SQLE: variants seen among roughly 807,000 people sequenced by gnomAD.
SQLE encodes squalene monooxygenase.
Under a neutral mutation model 60.7 loss-of-function variants are expected in SQLE, and 29 were observed. The observed-to-expected ratio is 0.48, with a 90% CI of 0.36 to 0.65. The LOEUF is 0.65. Among genes scored for constraint, SQLE ranks in the 30% least tolerant of loss-of-function variants. The pLI, the probability that SQLE is intolerant of heterozygous loss-of-function variation, is 0.00. For missense variants in SQLE, 605 were observed against 684.1 expected, an observed-to-expected ratio of 0.88 and a Z score of 1.29; for synonymous variants, 237 against 246.8, an observed-to-expected ratio of 0.96 and a Z score of 0.37.
rs1470487655 is a variant in SQLE at position 125,009,075 on chromosome 8, T to G, written c.927T>G (p.Phe309Leu). 1 of 1,594,156 alleles carries G rather than the reference T, an allele frequency of 6.3e-7. No individual in the cohort carries two copies. Among genetic ancestry groups the G allele is most frequent in the Non-Finnish European group, 8.5e-7 (1 of 1,173,038 alleles). Reference protein sequence around the residue: ...KVSVSSHFVGFLMKNAPQFKA... With the variant: ...KVSVSSHFVGLLMKNAPQFKA... ...CTGTATCATCTCATTTTGTTGGCTT[T>G]CTTATGAAGGTACTGTAGGAGTGTG... The change falls in exon 5 of 11, where the codon TTT becomes TTG. Residue 309 changes from phenylalanine (F) to leucine (L), a missense_variant. Transcript: ENST00000265896.
rs7012918 is a variant in SQLE, at chr8:124,998,826, G to T, written c.-578G>T. 6,388 of 494,454 alleles carry T rather than the reference G, an allele frequency of 0.013. 326 individuals carry two copies. The highest frequency in any genetic ancestry group is 0.11 in the African/African-American group (5,519 of 49,058). 30.6% of individuals were successfully genotyped at this position (494,454 alleles called of 1,614,324 possible). On this transcript the variant is annotated 5_prime_UTR_variant, in exon 1 of 11. Coordinates refer to ENST00000265896, the MANE Select transcript of SQLE (RefSeq NM_003129.4). The stretch of plus-strand genomic sequence containing the variant: ...GCGTCGGCGTTGGCGTTTTCCCGAG[G>T]TTGGGCTGTACAGTGTCTCCGTCCG...
Position 124,999,312 on chromosome 8 carries a change from T to G in SQLE, c.-92T>G, listed in dbSNP as rs1248340545. Reference sequence around the variant, plus strand: ...CTGGAGTCTGGCCGGCTCTCCGTGCTCCTCTTGGTACCTCATTTTGGGGAG... The same window carrying G: ...CTGGAGTCTGGCCGGCTCTCCGTGCGCCTCTTGGTACCTCATTTTGGGGAG... On this transcript the variant is annotated 5_prime_UTR_variant, in exon 1 of 11. Coordinates refer to ENST00000265896, the MANE Select transcript of SQLE (RefSeq NM_003129.4). The G allele has an allele frequency of 1.5e-6, 2 of 1,294,172 alleles. No individual in the cohort carries two copies. The highest frequency in any genetic ancestry group is 5.6e-5 in the East Asian group (2 of 35,936). 80.2% of individuals were successfully genotyped at this position (1,294,172 alleles called of 1,614,324 possible).
intron 3 of SQLE, among the ~76,000 whole-genome samples, chr8:125,006,574 T>C (rs1814950240): frequency 7.3e-6 from 1 of 136,284 alleles, no homozygotes; most frequent in Admixed American, 7.7e-5. Context: ...TGAGCCGAGA[T>C]AGCGCCACTG....
rs1814792366 is a variant in SQLE, at chr8:124,998,833, T to C, written c.-571T>C. 4.5e-6 allele frequency: 2 copies of C among 448,864 alleles called. No individual in the cohort carries two copies. The highest frequency in any genetic ancestry group is 7.9e-6 in the Non-Finnish European group (2 of 252,946). The allele number at this position is 448,864 out of a possible 1,614,324, so 27.8% of individuals were successfully genotyped here. ...CGTTGGCGTTTTCCCGAGGTTGGGC[T>C]GTACAGTGTCTCCGTCCGCGGAAAA... is the stretch of plus-strand genomic sequence containing the variant. On this transcript the variant is annotated 5_prime_UTR_variant, in exon 1 of 11. Transcript: ENST00000265896.
chr8:125,000,474 C>T (rs1814826375), intron 1 of SQLE, among the ~76,000 whole-genome samples: 1 of 152,200 alleles, frequency 6.6e-6, no homozygotes, highest in Non-Finnish European at 1.5e-5. Context: ...GACAAAGTCT[C>T]GCTCTGTCGC....
At chr8:125,002,109 C>T (rs1336670710) in intron 1 of SQLE, among the ~76,000 whole-genome samples, 2 of 152,040 alleles carry the variant, frequency 1.3e-5, no homozygotes, top group African/African-American at 4.8e-5. Flanking sequence ...TTGGGGACCA[C>T]CTCTTTGACT....
At chr8:125,000,557 C>T (rs1814827487) in intron 1 of SQLE, among the ~76,000 whole-genome samples, 2 of 152,190 alleles carry the variant, frequency 1.3e-5, no homozygotes, top group East Asian at 1.9e-4. Flanking sequence ...GATTCTCGTG[C>T]CTCACTCAGC....
intron 8 of SQLE, 52 bp from the exon 9 acceptor site, chr8:125,018,579 G>A: frequency 8.1e-7 from 1 of 1,227,318 alleles, no homozygotes; most frequent in South Asian, 1.4e-5. Context: ...ATAAACATCA[G>A]TTTGTGCTTT....
chr8:125,002,365 G>T (rs1300704903), intron 1 of SQLE, among the ~76,000 whole-genome samples: 1 of 152,166 alleles, frequency 6.6e-6, no homozygotes, highest in African/African-American at 2.4e-5. Context: ...TCCAGAAAGA[G>T]AAAATAAAGA....
rs994785103 is a variant in SQLE at position 124,998,809 on chromosome 8, G to T, written c.-595G>T. On this transcript the variant is annotated 5_prime_UTR_variant, in exon 1 of 11. Coordinates refer to ENST00000265896, the MANE Select transcript of SQLE (RefSeq NM_003129.4). ...ATCTTTTGTTGGAGAAGGCGTCGGC[G>T]TTGGCGTTTTCCCGAGGTTGGGCTG... 2.0e-6 allele frequency: 1 copy of T among 495,944 alleles called. No individual in the cohort carries two copies. The highest frequency in any genetic ancestry group is 3.5e-5 in the East Asian group (1 of 28,218). 30.7% of individuals were successfully genotyped at this position (495,944 alleles called of 1,614,324 possible). A position where few individuals can be genotyped will look rare whatever the true frequency, so the allele number is the denominator to read the frequency against.
Position 125,015,597 on chromosome 8 carries a change from C to T in SQLE, c.1205-2462C>T, listed in dbSNP as rs190327072. Among the ~76,000 whole-genome samples the T allele has an allele frequency of 2.6e-5, 4 of 152,152 alleles. No individual in the cohort carries two copies. In the East Asian group the frequency reaches 7.7e-4, roughly 29 times the overall value. On this transcript the variant is annotated intron_variant, in intron 7 of 10. Transcript: ENST00000265896. ...AAGCTTGCAGGTCATATCTTATAACCGATTATTTTAAACTGATGACAACTG... is the reference window on the plus strand; with the variant it reads ...AAGCTTGCAGGTCATATCTTATAACTGATTATTTTAAACTGATGACAACTG...
intron 3 of SQLE, among the ~76,000 whole-genome samples, chr8:125,006,979 A>G (rs1426272612): frequency 6.6e-6 from 1 of 152,192 alleles, no homozygotes. Flanking sequence ...CTGGGATTAC[A>G]GGTGTGAGCC....
intron 7 of SQLE, among the ~76,000 whole-genome samples, chr8:125,017,181 G>A (rs1306240652): frequency 6.6e-6 from 1 of 152,086 alleles, no homozygotes; most frequent in Non-Finnish European, 1.5e-5. Flanking sequence ...ATCCAGCCAG[G>A]CTTGTGCCCT....
At position 124,999,611 on chromosome 8, in the gene SQLE, C is replaced by T; in HGVS notation, c.208C>T (p.Leu70Phe). The T allele has an allele frequency of 1.9e-6, 3 of 1,613,644 alleles. No homozygotes were observed. The highest frequency in any genetic ancestry group is 1.1e-5 in the South Asian group (1 of 90,968). ...GSQFALFSDILSGLPFIGFFW... is the reference protein window; with the variant it reads ...GSQFALFSDIFSGLPFIGFFW... ...CCAGTTCGCCCTCTTCTCGGATATT[C>T]TCTCAGGCCTGCCTTTCATTGGCTT... Residue 70 changes from leucine (L) to phenylalanine (F), a missense_variant, in exon 1 of 11, where the codon CTC (leucine) becomes TTC (phenylalanine). Leu to Phe is a conservative substitution (Grantham distance 22). Transcript: ENST00000265896.
At chr8:125,005,011 C>A (rs1293124001) in intron 2 of SQLE, among the ~76,000 whole-genome samples, 1 of 152,136 alleles carries the variant, frequency 6.6e-6, no homozygotes, top group East Asian at 1.9e-4. Context: ...ATGTAATCAT[C>A]AACAGTTGGG....
Position 125,018,935 on chromosome 8 carries a change from T to C in SQLE, c.1444+208T>C, listed in dbSNP as rs1815154654. On this transcript the variant is annotated intron_variant, in intron 9 of 10. Coordinates refer to ENST00000265896, the MANE Select transcript of SQLE (RefSeq NM_003129.4). ...GGTAGTGGAATTTCCTTAGACAACA[T>C]TAATAGCAATGCCTCAGTAACATAT... is the stretch of plus-strand genomic sequence containing the variant. The C allele has an allele frequency of 7.8e-6, 4 of 513,554 alleles. No individual in the cohort carries two copies. In the South Asian group the frequency reaches 9.4e-5, roughly 12 times the overall value. The allele number at this position is 513,554 out of a possible 1,614,324, so 31.8% of individuals were successfully genotyped here.
At chr8:125,003,774 A>C (rs1196886362) in intron 2 of SQLE, among the ~76,000 whole-genome samples, 1 of 151,946 alleles carries the variant, frequency 6.6e-6, no homozygotes, top group Non-Finnish European at 1.5e-5. Flanking sequence ...TTACAGTGTT[A>C]TTACTTAGAA....
chr8:125,002,534 G>A (rs555999587), intron 1 of SQLE, among the ~76,000 whole-genome samples: 2 of 152,158 alleles, frequency 1.3e-5, no homozygotes, highest in African/African-American at 4.8e-5. Context: ...AAAATTAGCC[G>A]GGCATGGTTG....
chr8:125,012,493 T>C (rs1448364782), intron 7 of SQLE, among the ~76,000 whole-genome samples: 1 of 152,238 alleles, frequency 6.6e-6, no homozygotes, highest in African/African-American at 2.4e-5. Context: ...TTGGGATGTT[T>C]CCTAAAGGCA....
Sources: allele counts gnomAD v4.1 joint callset (sites outside exome capture counted in the v4.1 genomes callset), GRCh38; gene constraint gnomAD v4.1.1; transcripts MANE v1.5; gene names NCBI Gene and HGNC (gene_info 2026-07-23, HGNC 2026-07-21).